DAB1: variants seen among roughly 807,000 people sequenced by gnomAD.
The protein encoded by DAB1 is DAB adaptor protein 1, also known as disabled homolog 1.
Under a neutral mutation model 64.6 loss-of-function variants are expected in DAB1, and 15 were observed. The ratio of observed to expected loss-of-function variants is 0.23; its 90% CI spans 0.16 to 0.36. DAB1 has a LOEUF of 0.36. DAB1 is among the 10% of genes least tolerant of loss of function. The pLI is 1.00. For missense variants in DAB1, 596 were observed against 706.7 expected, an observed-to-expected ratio of 0.84 and a Z score of 1.78; for synonymous variants, 235 against 251.9, an observed-to-expected ratio of 0.93 and a Z score of 0.64.
chr1:57,554,147 A>G (rs993474953), intron 7 of DAB1, among the ~76,000 whole-genome samples: 3 of 152,264 alleles, frequency 2.0e-5, no homozygotes, highest in Non-Finnish European at 4.4e-5. Context: ...AAGAAGGGAT[A>G]GAGAGCAGGA....
At chr1:57,133,250 T>C (rs1000473410) in intron 4 of DAB1, among the ~76,000 whole-genome samples, 3 of 152,194 alleles carry the variant, frequency 2.0e-5, no homozygotes, top group African/African-American at 7.2e-5. Flanking sequence ...GACTTACCTT[T>C]AGAGTCCTGC....
intron 7 of DAB1, among the ~76,000 whole-genome samples, chr1:57,440,390 C>G (rs890907617): frequency 6.6e-5 from 10 of 152,218 alleles, no homozygotes; most frequent in Non-Finnish European, 1.5e-4. Context: ...CCACCTTGAA[C>G]AGTCATCCAT....
intron 4 of DAB1, among the ~76,000 whole-genome samples, chr1:58,289,599 C>A (rs1233304806): frequency 6.6e-6 from 1 of 152,128 alleles, no homozygotes. Context: ...ACTTCTAGAT[C>A]AATTTGAAAG....
intron 2 of DAB1, among the ~76,000 whole-genome samples, chr1:57,285,288 T>G (rs564712033): frequency 2.6e-5 from 4 of 152,030 alleles, no homozygotes; most frequent in African/African-American, 9.6e-5. Context: ...TCTTTTTGAG[T>G]TTTGAGTTTT....
At chr1:58,177,276 C>G (rs929065224) in intron 4 of DAB1, among the ~76,000 whole-genome samples, 1 of 152,238 alleles carries the variant, frequency 6.6e-6, no homozygotes, top group East Asian at 1.9e-4. Context: ...GAACAAAAGC[C>G]ACCTTATAAC....
At chr1:57,885,638 T>G (rs955322949), upstream of DAB1, among the ~76,000 whole-genome samples, 1 of 152,226 alleles carries the variant, frequency 6.6e-6, no homozygotes, top group East Asian at 1.9e-4. Context: ...TTACTTTTTT[T>G]CCACCCCTTT....
chr1:58,203,255 G>A (rs1658095362), intron 4 of DAB1, among the ~76,000 whole-genome samples: 1 of 152,132 alleles, frequency 6.6e-6, no homozygotes, highest in African/African-American at 2.4e-5. Flanking sequence ...CTTCAACCAA[G>A]ACACAATTGT....
chr1:57,687,599 CAAAAAAAA>C (rs57316234), intron 6 of DAB1, among the ~76,000 whole-genome samples: 45 of 82,458 alleles, frequency 5.5e-4, no homozygotes, highest in African/African-American at 1.4e-3. Flanking sequence ...TCTTAAGAAA[CAAAAAAAA>C]AAAAAAAAAA....
intron 2 of DAB1, among the ~76,000 whole-genome samples, chr1:57,179,893 C>T (rs1401678756): frequency 6.6e-6 from 1 of 152,118 alleles, no homozygotes; most frequent in African/African-American, 2.4e-5. Context: ...CAGAGGATTA[C>T]AATAGCATGC....
intron 7 of DAB1, among the ~76,000 whole-genome samples, chr1:57,576,581 G>A (rs978386004): frequency 6.6e-6 from 1 of 152,168 alleles, no homozygotes; most frequent in African/African-American, 2.4e-5. Flanking sequence ...TCTCCTACAA[G>A]TTTCAGAGGG....
At chr1:58,536,011 C>A (rs1422200506) in intron 1 of DAB1, among the ~76,000 whole-genome samples, 2 of 152,022 alleles carry the variant, frequency 1.3e-5, no homozygotes, top group African/African-American at 4.8e-5. Flanking sequence ...AAGATCCCTG[C>A]CCCCATGAAG....
chr1:57,678,321 A>C (rs1646592836), intron 6 of DAB1, among the ~76,000 whole-genome samples: 1 of 152,222 alleles, frequency 6.6e-6, no homozygotes, highest in Non-Finnish European at 1.5e-5. Context: ...AAACAACAGT[A>C]AACTCAAACG....
intron 7 of DAB1, among the ~76,000 whole-genome samples, chr1:57,517,529 G>A (rs1029499650): frequency 6.6e-6 from 1 of 152,180 alleles, no homozygotes; most frequent in African/African-American, 2.4e-5. Flanking sequence ...AAGAAAAGCT[G>A]ATAGGCCAAA....
At chr1:58,053,953 C>T (rs1647882102) in intron 5 of DAB1, among the ~76,000 whole-genome samples, 1 of 152,162 alleles carries the variant, frequency 6.6e-6, no homozygotes, top group African/African-American at 2.4e-5. Flanking sequence ...CACATTGTTG[C>T]CTGCTAGTTA....
chr1:58,525,527 T>C (rs966745532), intron 2 of DAB1, among the ~76,000 whole-genome samples: 2 of 152,112 alleles, frequency 1.3e-5, no homozygotes, highest in African/African-American at 2.4e-5. Context: ...GTGTAATTCC[T>C]ACATACAAAA....
chr1:57,695,361 G>GAAGA lies in DAB1; in HGVS notation n.552-45700_552-45697dup, dbSNP rs774722340. On this transcript the variant is annotated intron_variant and non_coding_transcript_variant, in intron 6 of 20. Transcript: ENST00000485760. ...GAAAGAAAGAAAGAAAGAAAAGAAA[G>GAAGA]AAGAAAGAAAGAAAGAAAGAAAGAA... Among the ~76,000 whole-genome samples the GAAGA allele has an allele frequency of 4.9e-3, 334 of 68,660 alleles. 5 individuals are homozygous for GAAGA. The highest frequency in any genetic ancestry group is 5.8e-3 in the African/African-American group (111 of 19,018). 45.0% of individuals were successfully genotyped at this position (68,660 alleles called of 152,430 possible).
At chr1:57,193,722 G>C (rs942933690) in intron 2 of DAB1, among the ~76,000 whole-genome samples, 3 of 152,122 alleles carry the variant, frequency 2.0e-5, no homozygotes, top group African/African-American at 7.2e-5. Flanking sequence ...TTGGTTTTTA[G>C]AAATATTTCC....
chr1:58,401,696 T>C (rs1644569544), intron 3 of DAB1, among the ~76,000 whole-genome samples: 1 of 152,238 alleles, frequency 6.6e-6, no homozygotes, highest in Non-Finnish European at 1.5e-5. Context: ...GTTGATTGAA[T>C]GAATGAATAA....
intron 7 of DAB1, among the ~76,000 whole-genome samples, chr1:57,476,408 CT>C (rs1643939763): frequency 6.6e-6 from 1 of 152,144 alleles, no homozygotes; most frequent in African/African-American, 2.4e-5. Context: ...AGTCCCCTGA[CT>C]TTCCCTGACC....
Sources: gnomAD v4.1 joint callset for allele counts (sites outside exome capture counted in the v4.1 genomes callset) on GRCh38, gnomAD v4.1.1 for gene constraint, MANE v1.5 for transcripts, NCBI Gene and HGNC (gene_info 2026-07-23, HGNC 2026-07-21) for gene names.